The following COL26A1 variants were observed in gnomAD, a reference collection of about 807,000 sequenced individuals.
COL26A1 encodes collagen type XXVI alpha 1 chain.
COL26A1 carries 41 observed loss-of-function variants against 59.3 expected under a neutral mutation model. The observed-to-expected ratio is 0.69, with a 90% CI of 0.54 to 0.90. The LOEUF (loss-of-function observed/expected upper bound fraction) is 0.90. Ranked by LOEUF, COL26A1 falls within the 40% of genes least tolerant of loss-of-function variation. The probability of loss-of-function intolerance (pLI) is 0.00; values close to 1 mark genes in which losing one functional copy is unlikely to be tolerated. For missense variants in COL26A1, 612 were observed against 602.3 expected (o/e 1.02, Z -0.17); for synonymous variants, 266 against 256.0 (o/e 1.04, Z -0.37).
intron 2 of COL26A1, among the ~76,000 whole-genome samples, chr7:101,434,055 TCCCTCCCTCCCTCCCTCCCTCCCTC>T (rs1792845223): frequency 4.6e-5 from 1 of 21,666 alleles, no homozygotes; most frequent in African/African-American, 1.7e-4. Context: ...CCTCCCTCCC[TCCCTCCCTCCCTCCCTCCCTCCCTC>T]CCTCCCTCCC....
intron 1 of COL26A1, among the ~76,000 whole-genome samples, chr7:101,398,493 C>T (rs1791911293): frequency 6.6e-6 from 1 of 152,190 alleles, no homozygotes; most frequent in Non-Finnish European, 1.5e-5. Context: ...TGGACGGAAT[C>T]CTGACTTTCC....
At chr7:101,460,786 GAA>G (rs113334482) in intron 3 of COL26A1, among the ~76,000 whole-genome samples, 16 of 133,260 alleles carry the variant, frequency 1.2e-4, no homozygotes, top group African/African-American at 2.7e-4. Flanking sequence ...ATCTCAGGAA[GAA>G]AAAAAAAAAA....
chr7:101,389,402 T>G (rs1252902349), intron 1 of COL26A1, among the ~76,000 whole-genome samples: 12 of 141,544 alleles, frequency 8.5e-5, no homozygotes, highest in Admixed American at 1.5e-4. Context: ...TTTTTTGAGA[T>G]GGAGTCTCAC....
Position 101,454,031 on chromosome 7 carries a change from T to C in COL26A1, c.385+6244T>C, listed in dbSNP as rs115503723. Among the ~76,000 whole-genome samples, 704 of 152,258 alleles carry C rather than the reference T, an allele frequency of 4.6e-3. 8 individuals are homozygous for C. The highest frequency in any genetic ancestry group is 0.015 in the African/African-American group (636 of 41,538). Reference sequence around the variant, plus strand: ...CTATACATGATCCATCTTAATGAATTGCACATTTCGTGTTTGTGAATTCAC... The same window carrying C: ...CTATACATGATCCATCTTAATGAATCGCACATTTCGTGTTTGTGAATTCAC... On this transcript the variant is annotated intron_variant, in intron 3 of 12. Coordinates refer to ENST00000313669, the MANE Select transcript of COL26A1 (RefSeq NM_001278563.3).
At chr7:101,447,656 T>C (rs1303928016) in intron 2 of COL26A1, 28 bp from the exon 3 acceptor site, 4 of 1,445,272 alleles carry the variant, frequency 2.8e-6, no homozygotes, top group Non-Finnish European at 3.8e-6. Context: ...TGGGAGCTCA[T>C]GCCCCCCTGA....
chr7:101,472,425 C>T (rs1233269320), intron 3 of COL26A1, among the ~76,000 whole-genome samples: 1 of 152,106 alleles, frequency 6.6e-6, no homozygotes, highest in East Asian at 1.9e-4. Flanking sequence ...CCATAAACAC[C>T]CTGTAACCAA....
At chr7:101,513,948 T>C (rs1423869407) in intron 3 of COL26A1, among the ~76,000 whole-genome samples, 3 of 152,052 alleles carry the variant, frequency 2.0e-5, no homozygotes, top group Admixed American at 6.6e-5. Context: ...GTCAAGGGCA[T>C]GAATGGGTAT....
chr7:101,525,929 T>G (rs1295303442), intron 3 of COL26A1, among the ~76,000 whole-genome samples: 1 of 152,208 alleles, frequency 6.6e-6, no homozygotes, highest in Admixed American at 6.5e-5. Context: ...AATGGGATTT[T>G]GATAATGGGG....
At chr7:101,463,771 T>TTCTTTCTTTCTCTCTCTC (rs1554416021) in intron 3 of COL26A1, among the ~76,000 whole-genome samples, 1 of 81,700 alleles carries the variant, frequency 1.2e-5, no homozygotes, top group African/African-American at 6.0e-5. Context: ...TTTTCCTTCC[T>TTCTTTCTTTCTCTCTCTC]TCTTTCTTTC....
At chr7:101,531,071 T>C (rs367720262) in intron 3 of COL26A1, among the ~76,000 whole-genome samples, 23 of 152,108 alleles carry the variant, frequency 1.5e-4, no homozygotes, top group African/African-American at 4.8e-4. Context: ...CCTGGCTTCA[T>C]GCCAGTCTCC....
At chr7:101,383,411 G>A (rs1791492075) in intron 1 of COL26A1, among the ~76,000 whole-genome samples, 2 of 151,948 alleles carry the variant, frequency 1.3e-5, no homozygotes, top group South Asian at 4.1e-4. Context: ...TTGTTGCCCA[G>A]GCTGGAGTAC....
chr7:101,508,185 C>G (rs1383903007), intron 3 of COL26A1, among the ~76,000 whole-genome samples: 1 of 152,138 alleles, frequency 6.6e-6, no homozygotes, highest in Non-Finnish European at 1.5e-5. Flanking sequence ...AGAATGTGGA[C>G]TTTGGAGACA....
intron 5 of COL26A1, among the ~76,000 whole-genome samples, chr7:101,542,754 G>C (rs1322961774): frequency 6.6e-6 from 1 of 151,824 alleles, no homozygotes; most frequent in Non-Finnish European, 1.5e-5. Context: ...GGAGGGCCGA[G>C]CTCAGGTCTC....
intron 1 of COL26A1, among the ~76,000 whole-genome samples, chr7:101,370,617 C>T (rs1786209421): frequency 6.6e-6 from 1 of 152,096 alleles, no homozygotes; most frequent in Admixed American, 6.6e-5. Context: ...GGTTATCTGC[C>T]CACCTCATCC....
intron 3 of COL26A1, among the ~76,000 whole-genome samples, chr7:101,453,440 T>C (rs1793393516): frequency 6.6e-6 from 1 of 152,228 alleles, no homozygotes; most frequent in South Asian, 2.1e-4. Flanking sequence ...TTATGTGGCA[T>C]GTGACTGTAC....
Position 101,489,701 on chromosome 7 carries a change from C to CTTTCTTTCTT in COL26A1, c.385+41916_385+41925dup, listed in dbSNP as rs1250402840. On this transcript the variant is annotated intron_variant, in intron 3 of 12. Coordinates refer to ENST00000313669, the MANE Select transcript of COL26A1 (RefSeq NM_001278563.3). ...CCTTCCTTTCTTTCTTTCTTTCTGT[C>CTTTCTTTCTT]TTTCTTTCTTTCATTCTTTCTTTCT... 2.7e-3 allele frequency among the ~76,000 whole-genome samples: 223 copies of CTTTCTTTCTT among 84,100 alleles called. 60 individuals are homozygous for CTTTCTTTCTT. Among genetic ancestry groups the CTTTCTTTCTT allele is most frequent in the Non-Finnish European group, 3.6e-3 (169 of 46,622 alleles). The allele number at this position is 84,100 out of a possible 152,430, so 55.2% of individuals were successfully genotyped here.
chr7:101,491,415 C>T (rs1794457828), intron 3 of COL26A1, among the ~76,000 whole-genome samples: 1 of 152,058 alleles, frequency 6.6e-6, no homozygotes, highest in Non-Finnish European at 1.5e-5. Context: ...CCAATAGAGA[C>T]CCCAAGAGAG....
chr7:101,381,201 C>A (rs1308360648), intron 1 of COL26A1, among the ~76,000 whole-genome samples: 1 of 152,146 alleles, frequency 6.6e-6, no homozygotes, highest in Admixed American at 6.6e-5. Context: ...TGGGAAAGAA[C>A]CTATTTCCAT....
chr7:101,447,287 T>C (rs1432242920), intron 2 of COL26A1, among the ~76,000 whole-genome samples: 1 of 152,244 alleles, frequency 6.6e-6, no homozygotes, highest in Non-Finnish European at 1.5e-5. Flanking sequence ...CTGTAGCTAA[T>C]TTATTAGTCC....
Sources: allele counts gnomAD v4.1 joint callset (sites outside exome capture counted in the v4.1 genomes callset), GRCh38; gene constraint gnomAD v4.1.1; transcripts MANE v1.5; gene names NCBI Gene and HGNC (gene_info 2026-07-23, HGNC 2026-07-21).